DDX20: variants seen among roughly 807,000 people sequenced by gnomAD.
DDX20 encodes probable ATP-dependent RNA helicase DDX20.
In DDX20, 61 loss-of-function variants were observed where a neutral mutation model predicts 76.4. The observed-to-expected ratio is 0.80, with a 90% confidence interval of 0.65 to 0.99. The LOEUF is 0.99. DDX20 is among the 50% of genes least tolerant of loss of function. The probability of loss-of-function intolerance (pLI) is 0.00; values close to 1 mark genes in which losing one functional copy is unlikely to be tolerated. For missense variants in DDX20, 976 were observed against 996.8 expected, an observed-to-expected ratio of 0.98 and a Z score of 0.28; for synonymous variants, 357 against 357.4, an observed-to-expected ratio of 1.00 and a Z score of 0.01.
At chr1:111,759,362 C>G (rs1320978023) in intron 2 of DDX20, 38 bp from the exon 3 acceptor site, 1 of 1,507,396 alleles carries the variant, frequency 6.6e-7, no homozygotes, top group African/African-American at 1.4e-5. Flanking sequence ...TGTATTTATT[C>G]CTCTGACTCA....
intron 1 of DDX20, 50 bp downstream of exon 1, chr1:111,756,275 G>GGC: frequency 1.1e-6 from 1 of 903,464 alleles, no homozygotes; most frequent in Non-Finnish European, 1.5e-6. Context: ...GGAGAAGGGG[G>GGC]ACCGACGGGC....
chr1:111,766,382 A>G lies in DDX20; in HGVS notation c.1958A>G (p.Glu653Gly), dbSNP rs1663780204. ...LASSSQSGDSESDSDSYSSRT... is the reference protein window; with the variant it reads ...LASSSQSGDSGSDSDSYSSRT... ...AGTAGTAGCCAATCTGGAGACTCTG[A>G]GAGTGACAGTGATTCTTACAGCTCA... The change falls in exon 11 of 11, where the codon GAG becomes GGG. Residue 653 changes from glutamate to glycine, a missense_variant. Coordinates refer to ENST00000369702, the MANE Select transcript of DDX20 (RefSeq NM_007204.5). 6.2e-7 allele frequency: 1 copy of G among 1,614,184 alleles called. No individual in the cohort carries two copies. Among genetic ancestry groups the G allele is most frequent in the Non-Finnish European group, 8.5e-7 (1 of 1,180,016 alleles).
At chr1:111,764,732 GTAATGT>G (rs764819975) in intron 10 of DDX20, among the ~76,000 whole-genome samples, 1 of 152,158 alleles carries the variant, frequency 6.6e-6, no homozygotes, top group Non-Finnish European at 1.5e-5. Flanking sequence ...GGATCTTTAT[GTAATGT>G]TAATAGGGCC....
Position 111,766,726 on chromosome 1 carries a change from G to T in DDX20, c.2302G>T (p.Asp768Tyr). ...TAGGGAAATACGTCTGAGTTTTTCT[G>T]ATACCTATCAGGATTATGAGGAGTA... is the stretch of plus-strand genomic sequence containing the variant. ...CHREIRLSFS[D>Y]TYQDYEEYWR... Residue 768 changes from aspartate to tyrosine, a missense_variant, in exon 11 of 11, where the codon GAT becomes TAT. Asp to Tyr is a radical substitution (Grantham distance 160). Coordinates refer to ENST00000369702, the MANE Select transcript of DDX20 (RefSeq NM_007204.5). 6.2e-7 allele frequency: 1 copy of T among 1,614,180 alleles called. No homozygotes were observed. Among genetic ancestry groups the T allele is most frequent in the African/African-American group, 1.3e-5 (1 of 75,050 alleles).
intron 2 of DDX20, among the ~76,000 whole-genome samples, chr1:111,758,055 G>A (rs543324295): frequency 5.9e-5 from 9 of 151,968 alleles, no homozygotes; most frequent in African/African-American, 1.9e-4. Flanking sequence ...ACGGTGTTTC[G>A]CCATGTCGGC....
Position 111,761,098 on chromosome 1 carries a change from C to G in DDX20, c.935C>G (p.Ala312Gly), listed in dbSNP as rs200782048. The change falls in exon 6 of 11, where the codon GCT becomes GGT. Residue 312 changes from alanine (A) to glycine (G), a missense_variant. Ala to Gly is a moderately conservative substitution (Grantham distance 60, BLOSUM62 0). Coordinates refer to ENST00000369702, the MANE Select transcript of DDX20 (RefSeq NM_007204.5). ...ELFSRIPFNQ[A>G]LVFSNLHSRA... is the part of the protein sequence containing the mutation. ...TTCAGCAGAATTCCATTTAATCAAGCTTTAGTCTTTTCTAATTTGCACAGC... is the reference window on the plus strand; with the variant it reads ...TTCAGCAGAATTCCATTTAATCAAGGTTTAGTCTTTTCTAATTTGCACAGC... 1.5e-4 allele frequency: 249 copies of G among 1,613,392 alleles called. No homozygotes were observed. Among genetic ancestry groups the G allele is most frequent in the South Asian group, 2.9e-4 (26 of 90,900 alleles).
chr1:111,758,896 G>A (rs1181408881), intron 2 of DDX20, among the ~76,000 whole-genome samples: 1 of 152,172 alleles, frequency 6.6e-6, no homozygotes, highest in Non-Finnish European at 1.5e-5. Context: ...GCACAGAGTA[G>A]GTTCTTACTT....
Position 111,767,888 on chromosome 1 carries a change from T to G in DDX20, c.*989T>G, listed in dbSNP as rs758099000. ...TCTTAGTACATCCTAATTTTGTGTCTTCTAGAAAATTTTCCCCAGTTTTTA... is the reference window on the plus strand; with the variant it reads ...TCTTAGTACATCCTAATTTTGTGTCGTCTAGAAAATTTTCCCCAGTTTTTA... On this transcript the variant is annotated 3_prime_UTR_variant, in exon 11 of 11. Transcript: ENST00000369702. The G allele has an allele frequency of 1.3e-5, 2 of 152,166 alleles. No homozygotes were observed. Among genetic ancestry groups the G allele is most frequent in the Non-Finnish European group, 2.9e-5 (2 of 68,010 alleles). The allele number at this position is 152,166 out of a possible 1,614,324, so 9.4% of individuals were successfully genotyped here.
At chr1:111,757,503 AC>A (rs1319698316) in intron 2 of DDX20, among the ~76,000 whole-genome samples, 1 of 152,196 alleles carries the variant, frequency 6.6e-6, no homozygotes. Flanking sequence ...AGTCCGTATT[AC>A]GTATAAACAG....
In DDX20 at chr1:111,762,801, G is replaced by GT. The variant is rs1663701626; in HGVS notation, c.1210+22dup. The stretch of plus-strand genomic sequence containing the variant: ...CGTTTTGGTAAAAAAAAAAAAAAAA[G>GT]TTTGAGTGCTTTCTTTAAGGGGAGG... On this transcript the variant is annotated intron_variant, in intron 9 of 10. Coordinates refer to ENST00000369702, the MANE Select transcript of DDX20 (RefSeq NM_007204.5). 6 of 1,309,566 alleles carry GT rather than the reference G, an allele frequency of 4.6e-6. No individual in the cohort carries two copies. The highest frequency in any genetic ancestry group is 6.6e-6 in the Non-Finnish European group (6 of 914,838). The allele number at this position is 1,309,566 out of a possible 1,614,324, so 81.1% of individuals were successfully genotyped here.
chr1:111,759,302 T>C (rs1291762445), intron 2 of DDX20, 98 bp from the exon 3 acceptor site: 2 of 921,766 alleles, frequency 2.2e-6, no homozygotes, highest in African/African-American at 1.7e-5. Context: ...TTTGAAATGA[T>C]CATTTAAATG....
rs549399606 is a variant in DDX20 at position 111,756,190 on chromosome 1, A to G, written c.266A>G (p.Gln89Arg). The change falls in exon 1 of 11, where the codon CAG becomes CGG. Residue 89 changes from glutamine to arginine, a missense_variant. Physicochemically the swap from Gln to Arg is conservative, Grantham distance 43 (BLOSUM62 1). Transcript: ENST00000369702. ...AAGFERPSPV[Q>R]LKAIPLGRCG... ...GGCTTCGAGAGGCCCTCGCCGGTGC[A>G]GCTCAAGGCCATCCCGTTGGGGCGC... is the stretch of plus-strand genomic sequence containing the variant. 29 of 1,500,338 alleles carry G rather than the reference A, an allele frequency of 1.9e-5. No homozygotes were observed. The highest frequency in any genetic ancestry group is 2.5e-5 in the Non-Finnish European group (28 of 1,127,878). The allele number at this position is 1,500,338 out of a possible 1,614,324, so 92.9% of individuals were successfully genotyped here.
At chr1:111,756,281 CG>C in intron 1 of DDX20, 56 bp downstream of exon 1, 1 of 1,355,180 alleles carries the variant, frequency 7.4e-7, no homozygotes. Flanking sequence ...GGGGGACCGA[CG>C]GGCGGCGGCG....
At position 111,762,727 on chromosome 1, in the gene DDX20, T is replaced by C. The variant is rs377458578; in HGVS notation, c.1155T>C (p.Asp385=). ...AGGTGAATCTGGTTGTAAATCTGGATGTACCATTGGATTGGGAGACATACA... is the reference window on the plus strand; with the variant it reads ...AGGTGAATCTGGTTGTAAATCTGGACGTACCATTGGATTGGGAGACATACA... ...AEKVNLVVNL[D]VPLDWETYMH... Residue 385 remains aspartate, a synonymous_variant, in exon 9 of 11, where the codon GAT becomes GAC. Transcript: ENST00000369702. The C allele has an allele frequency of 7.4e-6, 12 of 1,613,644 alleles. No homozygotes were observed. Among genetic ancestry groups the C allele is most frequent in the African/African-American group, 2.7e-5 (2 of 74,754 alleles).
chr1:111,763,061 A>G, intron 10 of DDX20, 54 bp downstream of exon 10: 3 of 1,354,342 alleles, frequency 2.2e-6, no homozygotes, highest in Non-Finnish European at 3.1e-6. Context: ...GATAAGCATA[A>G]TAAAAATGAT....
chr1:111,762,598 C>G lies in DDX20; in HGVS notation c.1105-79C>G, dbSNP rs1446301901. 1.5e-5 allele frequency: 19 copies of G among 1,252,046 alleles called. No homozygotes were observed. In the South Asian group the frequency reaches 1.7e-4, roughly 11 times the overall value. 77.6% of individuals were successfully genotyped at this position (1,252,046 alleles called of 1,614,324 possible). A position where few individuals can be genotyped will look rare whatever the true frequency, so the allele number is the denominator to read the frequency against. ...GTTCTTAATTTGTCTCTTGACTGTA[C>G]TGGAAGAATATAATATGCATTGGTA... On this transcript the variant is annotated intron_variant, in intron 8 of 10. Transcript: ENST00000369702.
chr1:111,759,595 C>T, intron 3 of DDX20, 27 bp downstream of exon 3: 1 of 1,593,142 alleles, frequency 6.3e-7, no homozygotes, highest in Non-Finnish European at 8.6e-7. Flanking sequence ...TGTTGGTAAC[C>T]AGGGCTTTTA....
chr1:111,756,269 A>C, intron 1 of DDX20, 44 bp downstream of exon 1: 19 of 1,187,432 alleles, frequency 1.6e-5, no homozygotes, highest in Non-Finnish European at 1.8e-5. Context: ...GGGGTGGGAG[A>C]AGGGGGACCG....
At position 111,766,255 on chromosome 1, in the gene DDX20, G is replaced by A. The variant is rs369068251; in HGVS notation, c.1831G>A (p.Glu611Lys). 4.3e-6 allele frequency: 7 copies of A among 1,613,994 alleles called. No individual in the cohort carries two copies. The African/African-American group carries it at 8.0e-5, about 18-fold the overall frequency. Residue 611 changes from glutamate to lysine, a missense_variant, in exon 11 of 11, where the codon GAA becomes AAA. Glu to Lys is a moderately conservative substitution (Grantham distance 56, BLOSUM62 1). Transcript: ENST00000369702. ...TAAAGAGGGGTTAGAGAAACCTGTG[G>A]AAATCATCAGGCACTACACAGGCCC... ...YIKEGLEKPV[E>K]IIRHYTGPGD...
Sources: gnomAD v4.1 joint callset for allele counts (sites outside exome capture counted in the v4.1 genomes callset) on GRCh38, gnomAD v4.1.1 for gene constraint, MANE v1.5 for transcripts, NCBI Gene and HGNC (gene_info 2026-07-23, HGNC 2026-07-21) for gene names.